Variants in NCOR2 observed in about 807,000 individuals in gnomAD.
The protein encoded by NCOR2 is CTG repeat protein 26.
NCOR2 carries 81 observed loss-of-function variants against 262.9 expected under a neutral mutation model. The observed-to-expected ratio is 0.31, with a 90% CI of 0.26 to 0.37. The LOEUF is 0.37. Ranked by LOEUF, NCOR2 falls within the 10% of genes least tolerant of loss-of-function variation. The pLI is 1.00. For missense variants in NCOR2, 3,385 were observed against 3,621.4 expected, an observed-to-expected ratio of 0.93 and a Z score of 1.68; for synonymous variants, 1,659 against 1,559.3, an observed-to-expected ratio of 1.06 and a Z score of -1.51.
intron 38 of NCOR2, 110 bp from the exon 41 acceptor site, chr12:124,335,742 C>T: frequency 7.8e-7 from 1 of 1,275,962 alleles, no homozygotes. Context: ...CAAGGGGAAC[C>T]CAAGCTAGGG....
intron 1 of NCOR2, among the ~76,000 whole-genome samples, chr12:124,518,811 C>T (rs2137071359): frequency 6.6e-6 from 1 of 152,314 alleles, no homozygotes; most frequent in Middle Eastern, 3.4e-3. Context: ...CCCGCTTCCT[C>T]CCAGCCCGGA....
intron 35 of NCOR2, 55 bp downstream of exon 37, chr12:124,340,547 C>G (rs1172507547): frequency 6.5e-7 from 1 of 1,528,860 alleles, no homozygotes; most frequent in East Asian, 2.3e-5. Flanking sequence ...GCCCATCCCC[C>G]AGCCGCCTCC....
chr12:124,444,500 G>A (rs775020599), intron 7 of NCOR2, among the ~76,000 whole-genome samples: 7 of 152,164 alleles, frequency 4.6e-5, no homozygotes, highest in Non-Finnish European at 1.0e-4. Context: ...GGAAAGCTTG[G>A]GGGCAATCAG....
intron 32 of NCOR2, among the ~76,000 whole-genome samples, chr12:124,343,617 A>G (rs539614698): frequency 1.3e-5 from 1 of 78,490 alleles, no homozygotes; most frequent in Non-Finnish European, 2.5e-5. Context: ...TCAGAAGAAA[A>G]TTTTCTTTCA....
exon 47 of NCOR2, chr12:124,325,379 C>CCCCCCA (rs1555297231): frequency 3.2e-6 from 1 of 317,188 alleles, no homozygotes; most frequent in Non-Finnish European, 5.1e-6. Context: ...CTGACACCGC[C>CCCCCCA]CCCCCCCCCG....
At chr12:124,413,261 TACCCTGTGTCC>T (rs900458340) in intron 13 of NCOR2, among the ~76,000 whole-genome samples, 2 of 152,200 alleles carry the variant, frequency 1.3e-5, no homozygotes, top group African/African-American at 4.8e-5. Flanking sequence ...TCGGAAGTCC[TACCCTGTGTCC>T]ACCTCTGCAG....
rs371196601 is a variant in NCOR2, at chr12:124,517,584, C to T, written c.-118+17981G>A. 1.8e-4 allele frequency among the ~76,000 whole-genome samples: 28 copies of T among 152,178 alleles called. No individual in the cohort carries two copies. The highest frequency in any genetic ancestry group is 3.6e-4 in the African/African-American group (15 of 41,450). On this transcript the variant is annotated intron_variant, in intron 1 of 46. Transcript: ENST00000404621. The surrounding 1 kb of genome is among the most constrained non-coding windows in gnomAD (Gnocchi z 7.6). ...GGCTCTCCCCTGCCTGAGCCCACCG[C>T]GGAGCCCCAGGGCAGAGCCTCGGGA... is the stretch of plus-strand genomic sequence containing the variant.
chr12:124,388,415 G>A (rs945059042), intron 16 of NCOR2, among the ~76,000 whole-genome samples: 5 of 152,250 alleles, frequency 3.3e-5, no homozygotes, highest in East Asian at 3.9e-4. Flanking sequence ...TGAAGCCCCC[G>A]TCCACTTGGA....
At chr12:124,356,661 G>A in exon 23 of NCOR2, 1 of 1,451,942 alleles carries the variant, frequency 6.9e-7, no homozygotes, top group Middle Eastern at 1.8e-4. Context: ...CGTAGGAGAA[G>A]GCTGAGGGGT....
chr12:124,528,620 C>T (rs1029725468), intron 1 of NCOR2, among the ~76,000 whole-genome samples: 4 of 152,194 alleles, frequency 2.6e-5, no homozygotes, highest in African/African-American at 9.7e-5. Context: ...GTGCTTGATC[C>T]GGAAGGCACA....
intron 18 of NCOR2, among the ~76,000 whole-genome samples, chr12:124,375,329 C>A (rs948541061): frequency 2.0e-5 from 3 of 152,184 alleles, no homozygotes; most frequent in African/African-American, 7.2e-5. Context: ...ACAAAATGGG[C>A]AGTTAACTTC....
At chr12:124,348,979 T>A (rs1454738103) in intron 28 of NCOR2, 1 of 153,028 alleles carries the variant, frequency 6.5e-6, no homozygotes, top group Non-Finnish European at 1.5e-5. Flanking sequence ...AGTGGGTCCA[T>A]GTACACACAT....
intron 5 of NCOR2, among the ~76,000 whole-genome samples, chr12:124,460,060 TCCAC>T (rs1319751257): frequency 6.6e-6 from 1 of 152,096 alleles, no homozygotes; most frequent in African/African-American, 2.4e-5. Context: ...AGCAGGGCGG[TCCAC>T]CTCCCTCGAC....
At chr12:124,376,900 C>T (rs2040047932) in intron 18 of NCOR2, among the ~76,000 whole-genome samples, 2 of 152,200 alleles carry the variant, frequency 1.3e-5, no homozygotes, top group South Asian at 4.1e-4. Flanking sequence ...GCTTGTTTCT[C>T]CTTCAGAGAG....
At chr12:124,411,382 C>T (rs532113119) in intron 13 of NCOR2, among the ~76,000 whole-genome samples, 3 of 152,052 alleles carry the variant, frequency 2.0e-5, no homozygotes, top group Non-Finnish European at 2.9e-5. Flanking sequence ...GGAGAGTGGA[C>T]GGCAGCAGTC....
At chr12:124,507,519 C>A (rs1477401686) in intron 1 of NCOR2, among the ~76,000 whole-genome samples, 2 of 152,138 alleles carry the variant, frequency 1.3e-5, no homozygotes, top group Non-Finnish European at 2.9e-5. Context: ...GAGCCGAGTG[C>A]AGCATGCGTC....
Position 124,473,583 on chromosome 12 carries a change from AAT to A in NCOR2, c.412-454_412-453del, listed in dbSNP as rs571760604. 8.0e-3 allele frequency among the ~76,000 whole-genome samples: 1,219 copies of A among 151,816 alleles called. 17 individuals are homozygous for A. The highest frequency in any genetic ancestry group is 0.027 in the African/African-American group (1,131 of 41,330). On this transcript the variant is annotated intron_variant, in intron 3 of 46. Transcript: ENST00000405201. ...CTCCTTAATAAACTCCCCTTTATGT[AAT>A]ATATATATATATTTTTTCTATTAGT...
intron 6 of NCOR2, among the ~76,000 whole-genome samples, chr12:124,456,867 G>A (rs1247888023): frequency 6.6e-6 from 1 of 152,218 alleles, no homozygotes; most frequent in South Asian, 2.1e-4. Flanking sequence ...TGCGCAGGTG[G>A]CCCCGGAGGC....
intron 27 of NCOR2, among the ~76,000 whole-genome samples, chr12:124,352,046 C>T (rs535538887): frequency 6.6e-6 from 1 of 152,140 alleles, no homozygotes; most frequent in Non-Finnish European, 1.5e-5. Flanking sequence ...TGAGCTCCCC[C>T]CAAACTTCCC....
Sources: gnomAD v4.1 joint callset for allele counts (sites outside exome capture counted in the v4.1 genomes callset) on GRCh38, gnomAD v4.1.1 for gene constraint, Gnocchi (gnomAD v3.1) non-coding constraint, MANE v1.5 for transcripts, NCBI Gene and HGNC (gene_info 2026-07-23, HGNC 2026-07-21) for gene names.